The following RAE1 variants were observed in gnomAD, a reference collection of about 807,000 sequenced individuals.
RAE1 encodes the protein mRNA export factor RAE1.
A neutral mutation model predicts 52.7 loss-of-function variants in RAE1; 13 were observed. The observed-to-expected ratio is 0.25, with a 90% CI of 0.16 to 0.39. RAE1 has a LOEUF of 0.39. Ranked by LOEUF, RAE1 falls within the 10% of genes least tolerant of loss-of-function variation. RAE1 has a pLI of 1.00. For missense variants in RAE1, 262 were observed against 459.8 expected (o/e 0.57, Z 3.93); for synonymous variants, 164 against 153.1 (o/e 1.07, Z -0.52).
At chr20:57,356,307 T>G in intron 3 of RAE1, 139 bp from the exon 4 acceptor site, 1 of 572,592 alleles carries the variant, frequency 1.7e-6, no homozygotes, top group Non-Finnish European at 3.1e-6. Context: ...TTTTAATTCC[T>G]TTGTTCTTGA....
At position 57,351,435 on chromosome 20, in the gene RAE1, C is replaced by T; in HGVS notation, c.-8+13C>T. 9 of 985,496 alleles carry T rather than the reference C, an allele frequency of 9.1e-6. No homozygotes were observed. The highest frequency in any genetic ancestry group is 1.1e-5 in the Non-Finnish European group (9 of 829,978). 61.0% of individuals were successfully genotyped at this position (985,496 alleles called of 1,614,324 possible). The stretch of plus-strand genomic sequence containing the variant: ...GCGAGACCCCCAGGTAGGCCCCGTG[C>T]CGCGCGCGTCCCGTCGTTAACCGCC... On this transcript the variant is annotated intron_variant, in intron 1 of 11. Coordinates refer to ENST00000395841, the MANE Select transcript of RAE1 (RefSeq NM_003610.4).
intron 7 of RAE1, among the ~76,000 whole-genome samples, chr20:57,368,363 T>A (rs1403767957): frequency 6.6e-6 from 1 of 152,198 alleles, no homozygotes; most frequent in South Asian, 2.1e-4. Context: ...GGATATGAAC[T>A]GTACAGAAAT....
At chr20:57,355,406 TA>T (rs1389385106) in intron 3 of RAE1, among the ~76,000 whole-genome samples, 1 of 152,156 alleles carries the variant, frequency 6.6e-6, no homozygotes. Context: ...TTAACAAAAT[TA>T]AAAGTTTAAA....
Position 57,378,224 on chromosome 20 carries a change from G to A in RAE1, c.*125G>A, listed in dbSNP as rs1023594520. On this transcript the variant is annotated 3_prime_UTR_variant, in exon 12 of 12. Transcript: ENST00000395841. ...ATGGATTTCAACCCCTGGAGAAAAC[G>A]ATGTCATTGTTCAGCAGCTGAGAGC... 34 of 777,646 alleles carry A rather than the reference G, an allele frequency of 4.4e-5. No homozygotes were observed. Among genetic ancestry groups the A allele is most frequent in the African/African-American group, 2.5e-4 (14 of 56,934 alleles). The allele number at this position is 777,646 out of a possible 1,614,324, so 48.2% of individuals were successfully genotyped here.
At chr20:57,367,783 T>G (rs1469456746) in intron 7 of RAE1, among the ~76,000 whole-genome samples, 2 of 151,604 alleles carry the variant, frequency 1.3e-5, no homozygotes, top group East Asian at 3.9e-4. Flanking sequence ...TGGAACTTTC[T>G]CCATTTGTTT....
Position 57,354,129 on chromosome 20 carries a change from GT to G in RAE1, c.90+2del, listed in dbSNP as rs2066750313. 1 of 1,612,512 alleles carries G rather than the reference GT, an allele frequency of 6.2e-7. No homozygotes were observed. Among genetic ancestry groups the G allele is most frequent in the Admixed American group, 1.7e-5 (1 of 59,940 alleles). ...TACAGACAATCACAATCCCATGAAGGTACCACGAAAAGCTTCCTGGGGCTTG... is the reference window on the plus strand; with the variant it reads ...TACAGACAATCACAATCCCATGAAGGACCACGAAAAGCTTCCTGGGGCTTG... On this transcript the variant is annotated splice_donor_variant, in intron 2 of 11. Coordinates refer to ENST00000395841, the MANE Select transcript of RAE1 (RefSeq NM_003610.4). LOFTEE classifies it high-confidence loss of function.
chr20:57,363,267 C>T (rs1045153526), intron 4 of RAE1, among the ~76,000 whole-genome samples: 1 of 152,136 alleles, frequency 6.6e-6, no homozygotes, highest in African/African-American at 2.4e-5. Context: ...TGCAGTGGCA[C>T]TTTGGGAGGC....
intron 1 of RAE1, 124 bp downstream of exon 1, chr20:57,351,546 T>G (rs533892976): frequency 3.0e-6 from 3 of 985,448 alleles, no homozygotes; most frequent in Non-Finnish European, 3.6e-6. Context: ...TTGACTAAGC[T>G]TCGTTACTGG....
chr20:57,362,892 T>A (rs2066908742), intron 4 of RAE1, among the ~76,000 whole-genome samples: 1 of 152,214 alleles, frequency 6.6e-6, no homozygotes, highest in African/African-American at 2.4e-5. Flanking sequence ...GTGATTCTCC[T>A]GCCTCAGCCT....
intron 11 of RAE1, among the ~76,000 whole-genome samples, chr20:57,377,359 A>C (rs1238984455): frequency 1.3e-5 from 2 of 152,172 alleles, no homozygotes. Context: ...AAATGTGATC[A>C]CATCACTGAC....
At chr20:57,373,215 CGCG>C in intron 8 of RAE1, 1 of 481,344 alleles carries the variant, frequency 2.1e-6, no homozygotes, top group South Asian at 2.2e-5. Flanking sequence ...CTGGCGTGAA[CGCG>C]GCCTTGCAGG....
At chr20:57,377,719 G>A (rs538621548) in intron 11 of RAE1, among the ~76,000 whole-genome samples, 29 of 152,286 alleles carry the variant, frequency 1.9e-4, no homozygotes, top group African/African-American at 6.5e-4. Context: ...TTATCCTGGC[G>A]TTAAAGTCCT....
At chr20:57,356,796 C>G (rs2066794529) in intron 4 of RAE1, among the ~76,000 whole-genome samples, 1 of 152,198 alleles carries the variant, frequency 6.6e-6, no homozygotes, top group Non-Finnish European at 1.5e-5. Context: ...TATGAAGAAG[C>G]CAGCAGGGAA....
chr20:57,352,740 T>A (rs958104985), intron 1 of RAE1, among the ~76,000 whole-genome samples: 4 of 152,198 alleles, frequency 2.6e-5, no homozygotes, highest in Non-Finnish European at 5.9e-5. Flanking sequence ...TTCTCATAAC[T>A]CTGTGAAGTA....
intron 1 of RAE1, among the ~76,000 whole-genome samples, chr20:57,353,140 G>GT (rs1340397408): frequency 1.3e-5 from 2 of 152,176 alleles, no homozygotes; most frequent in African/African-American, 4.8e-5. Flanking sequence ...ACTTTTCAGC[G>GT]TAACAGGTAG....
At chr20:57,369,839 TC>T (rs958110055) in intron 8 of RAE1, among the ~76,000 whole-genome samples, 3 of 152,152 alleles carry the variant, frequency 2.0e-5, no homozygotes, top group Admixed American at 6.5e-5. Context: ...AATGGGAACT[TC>T]CTCCTCTTTC....
At chr20:57,354,916 CTTAT>C (rs1201188413) in intron 3 of RAE1, 100 bp downstream of exon 3, 1 of 859,118 alleles carries the variant, frequency 1.2e-6, no homozygotes, top group South Asian at 2.1e-5. Context: ...ATCAGTTGGA[CTTAT>C]TTATGGCCTT....
At chr20:57,368,651 A>G (rs2066991389) in intron 7 of RAE1, 54 bp from the exon 8 acceptor site, 1 of 1,308,032 alleles carries the variant, frequency 7.6e-7, no homozygotes, top group South Asian at 1.2e-5. Flanking sequence ...CATTAGTATA[A>G]AAACAGCACA....
chr20:57,355,983 CTAAG>C (rs1356937718), intron 3 of RAE1, among the ~76,000 whole-genome samples: 2 of 152,130 alleles, frequency 1.3e-5, no homozygotes, highest in Non-Finnish European at 2.9e-5. Flanking sequence ...GGAAAGAAGA[CTAAG>C]AGCACACAGA....
Sources: allele counts gnomAD v4.1 joint callset (sites outside exome capture counted in the v4.1 genomes callset), GRCh38; gene constraint gnomAD v4.1.1; transcripts MANE v1.5; gene names NCBI Gene and HGNC (gene_info 2026-07-23, HGNC 2026-07-21).